Variants in SYT6 observed in about 807,000 individuals in gnomAD.
The protein encoded by SYT6 is synaptotagmin-6.
SYT6 carries 24 observed loss-of-function variants against 38.4 expected under a neutral mutation model. The observed-to-expected ratio is 0.62, with a 90% CI of 0.45 to 0.88. The LOEUF is 0.88. Ranked by LOEUF, SYT6 falls within the 40% of genes least tolerant of loss-of-function variation. The pLI is 0.00. For missense variants in SYT6, 611 were observed against 621.0 expected, an observed-to-expected ratio of 0.98 and a Z score of 0.17; for synonymous variants, 265 against 241.9, an observed-to-expected ratio of 1.10 and a Z score of -0.89.
At chr1:114,098,664 T>G (rs1016755362) in intron 5 of SYT6, among the ~76,000 whole-genome samples, 1 of 152,116 alleles carries the variant, frequency 6.6e-6, no homozygotes, top group Non-Finnish European at 1.5e-5. Flanking sequence ...GATGTGTCCT[T>G]AGTATGTTGA....
At chr1:114,111,693 C>G (rs2101012874) in intron 3 of SYT6, among the ~76,000 whole-genome samples, 1 of 62,602 alleles carries the variant, frequency 1.6e-5, no homozygotes, top group Non-Finnish European at 4.0e-5. Flanking sequence ...AGGGAGAAAT[C>G]TTACAACTGC....
chr1:114,137,956 T>C lies in SYT6; in HGVS notation c.610A>G (p.Ile204Val). The C allele has an allele frequency of 6.2e-7, 1 of 1,614,088 alleles. No homozygotes were observed. The highest frequency in any genetic ancestry group is 1.1e-5 in the South Asian group (1 of 91,056). ...LPPAAEQPTS[I>V]GRIKPELYKQ... ...TAGAGCTCAGGCTTGATGCGGCCAA[T>C]GCTGGTGGGCTGCTCTGCTGCTGGT... Residue 204 changes from isoleucine (I) to valine (V), a missense_variant, in exon 3 of 8, where the codon ATT becomes GTT. By Grantham distance (29) the Ile-to-Val change is conservative. Coordinates refer to ENST00000610222, the MANE Select transcript of SYT6 (RefSeq NM_001253772.2).
In SYT6 at chr1:114,109,141, G is replaced by T. The variant is rs533183810; in HGVS notation, c.1072-5420C>A. 1.8e-4 allele frequency among the ~76,000 whole-genome samples: 27 copies of T among 152,286 alleles called. 1 individual carries two copies. The South Asian group carries it at 5.4e-3, about 30-fold the overall frequency. On this transcript the variant is annotated intron_variant, in intron 3 of 7. Transcript: ENST00000610222. ...CAGATGTGGAAGCCAGATACCTGGA[G>T]CTGAGCCAGCCCCTGTGATATCTCC... is the stretch of plus-strand genomic sequence containing the variant.
At position 114,143,529 on chromosome 1, in the gene SYT6, T is replaced by C. The variant is rs578196311; in HGVS notation, c.164-3566A>G. On this transcript the variant is annotated intron_variant, in intron 1 of 7. Coordinates refer to ENST00000610222, the MANE Select transcript of SYT6 (RefSeq NM_001253772.2). Reference sequence around the variant, plus strand: ...TATATATAACTTATATGTGTATATATACATATAAGTTATATATAACTTATG... The same window carrying C: ...TATATATAACTTATATGTGTATATACACATATAAGTTATATATAACTTATG... Among the ~76,000 whole-genome samples the C allele has an allele frequency of 4.8e-3, 714 of 147,456 alleles. 5 individuals are homozygous for C. Among genetic ancestry groups the C allele is most frequent in the Non-Finnish European group, 8.2e-3 (554 of 67,284 alleles).
At chr1:114,122,097 G>A (rs1038920312) in intron 3 of SYT6, among the ~76,000 whole-genome samples, 3 of 152,182 alleles carry the variant, frequency 2.0e-5, no homozygotes, top group Non-Finnish European at 2.9e-5. Context: ...CCCCTTGCAG[G>A]GTCTCATGGA....
intron 3 of SYT6, among the ~76,000 whole-genome samples, chr1:114,109,143 T>C (rs1676518479): frequency 6.6e-6 from 1 of 152,170 alleles, no homozygotes; most frequent in African/African-American, 2.4e-5. Flanking sequence ...TACCTGGAGC[T>C]GAGCCAGCCC....
chr1:114,128,338 G>A (rs894860707), intron 3 of SYT6, among the ~76,000 whole-genome samples: 11 of 152,180 alleles, frequency 7.2e-5, no homozygotes, highest in Non-Finnish European at 1.0e-4. Context: ...AATTTCTGAT[G>A]GAAAGGGTAG....
At chr1:114,125,406 C>G (rs1438600483) in intron 3 of SYT6, among the ~76,000 whole-genome samples, 1 of 152,220 alleles carries the variant, frequency 6.6e-6, no homozygotes, top group Non-Finnish European at 1.5e-5. Context: ...AAGCTCTCTA[C>G]TCAGATTTCA....
chr1:114,121,915 C>T (rs1485725288), intron 3 of SYT6, among the ~76,000 whole-genome samples: 3 of 152,222 alleles, frequency 2.0e-5, no homozygotes, highest in Non-Finnish European at 2.9e-5. Context: ...ACCCTAGTCA[C>T]AGCCCTGTGG....
intron 3 of SYT6, among the ~76,000 whole-genome samples, chr1:114,107,201 G>C (rs745446238): frequency 2.3e-4 from 35 of 152,328 alleles, no homozygotes; most frequent in South Asian, 6.2e-4. Flanking sequence ...TGGGAGGCTT[G>C]CCTGGGGATA....
chr1:114,118,853 G>A (rs1010535100), intron 3 of SYT6, among the ~76,000 whole-genome samples: 2 of 152,194 alleles, frequency 1.3e-5, no homozygotes, highest in African/African-American at 2.4e-5. Flanking sequence ...GGTCCCAAAC[G>A]GGAGTGGAAA....
intron 3 of SYT6, among the ~76,000 whole-genome samples, chr1:114,110,048 C>T (rs1338678843): frequency 1.3e-5 from 2 of 152,144 alleles, no homozygotes. Context: ...AAACAGGGCC[C>T]CAGGCAAGGG....
intron 6 of SYT6, among the ~76,000 whole-genome samples, chr1:114,094,075 G>A (rs376255883): frequency 5.3e-5 from 8 of 152,158 alleles, no homozygotes; most frequent in African/African-American, 1.7e-4. Context: ...GGACTACACA[G>A]AGTGTCTTTC....
Position 114,136,122 on chromosome 1 carries a change from A to G in SYT6, c.1071+1373T>C, listed in dbSNP as rs552800421. 1.5e-3 allele frequency among the ~76,000 whole-genome samples: 228 copies of G among 152,316 alleles called. 1 individual carries two copies. The highest frequency in any genetic ancestry group is 5.1e-3 in the African/African-American group (211 of 41,580). Reference sequence around the variant, plus strand: ...TTGGGCTGGACTGGTCAAAGTCAGCACAAGCTATGAGAATGGCGTGTCCCC... The same window carrying G: ...TTGGGCTGGACTGGTCAAAGTCAGCGCAAGCTATGAGAATGGCGTGTCCCC... On this transcript the variant is annotated intron_variant, in intron 3 of 7. Transcript: ENST00000610222.
At chr1:114,149,222 T>TGTGTGTGTGTGTGTGCGCGC (rs1553185740) in intron 1 of SYT6, among the ~76,000 whole-genome samples, 1 of 118,122 alleles carries the variant, frequency 8.5e-6, no homozygotes, top group African/African-American at 2.6e-5. Context: ...AGAGATTGTG[T>TGTGTGTGTGTGTGTGCGCGC]GTGTGTGTGT....
At chr1:114,118,789 A>C (rs940147031) in intron 3 of SYT6, among the ~76,000 whole-genome samples, 1 of 152,014 alleles carries the variant, frequency 6.6e-6, no homozygotes, top group Admixed American at 6.5e-5. Flanking sequence ...CTCACACCAG[A>C]CAGAGCCATC....
chr1:114,119,182 T>A (rs1677217424), intron 3 of SYT6, among the ~76,000 whole-genome samples: 1 of 152,222 alleles, frequency 6.6e-6, no homozygotes, highest in African/African-American at 2.4e-5. Context: ...CCCCTGTTCA[T>A]TTCACATATC....
chr1:114,102,281 GC>G (rs1371805691), intron 4 of SYT6, among the ~76,000 whole-genome samples: 3 of 152,184 alleles, frequency 2.0e-5, no homozygotes, highest in Admixed American at 1.3e-4. Flanking sequence ...TGCTGCCTAA[GC>G]TTTTCCCAGG....
rs1043709991 is a variant in SYT6 at position 114,102,910 on chromosome 1, T to C, written c.1192+691A>G. Among the ~76,000 whole-genome samples the C allele has an allele frequency of 1.8e-4, 27 of 152,204 alleles. 1 individual carries two copies. Among genetic ancestry groups the C allele is most frequent in the African/African-American group, 6.5e-4 (27 of 41,450 alleles). ...ATACCTCCTTCCACAACTTGCAGAA[T>C]TGTGGGGAAAGACTCAAACCTCTGA... On this transcript the variant is annotated intron_variant, in intron 4 of 7. Coordinates refer to ENST00000610222, the MANE Select transcript of SYT6 (RefSeq NM_001253772.2).
Sources: allele counts gnomAD v4.1 joint callset (sites outside exome capture counted in the v4.1 genomes callset), GRCh38; gene constraint gnomAD v4.1.1; transcripts MANE v1.5; gene names NCBI Gene and HGNC (gene_info 2026-07-23, HGNC 2026-07-21).